The following POU2F1 variants were observed in gnomAD, a reference collection of about 807,000 sequenced individuals.
The protein encoded by POU2F1 is POU domain, class 2, transcription factor 1.
In POU2F1, 16 loss-of-function variants were observed where a neutral mutation model predicts 84.9. The ratio of observed to expected loss-of-function variants is 0.19; its 90% CI spans 0.13 to 0.29. The LOEUF is 0.29. POU2F1 is among the 10% of genes least tolerant of loss of function. POU2F1 has a pLI of 1.00. For missense variants in POU2F1, 738 were observed against 942.6 expected (o/e 0.78, Z 2.84); for synonymous variants, 368 against 368.3 (o/e 1.00, Z 0.01).
At chr1:167,311,638 G>C (rs1655477120) in intron 1 of POU2F1, among the ~76,000 whole-genome samples, 1 of 151,782 alleles carries the variant, frequency 6.6e-6, no homozygotes, top group Non-Finnish European at 1.5e-5. Flanking sequence ...AGTCTAATTT[G>C]AGTCTTAGTT....
chr1:167,298,174 A>G (rs1654420642), intron 1 of POU2F1, among the ~76,000 whole-genome samples: 1 of 152,076 alleles, frequency 6.6e-6, no homozygotes, highest in Non-Finnish European at 1.5e-5. Flanking sequence ...ATAGAGCAAG[A>G]ACGAGGAGCC....
chr1:167,411,483 G>C (rs1432961986), intron 13 of POU2F1, among the ~76,000 whole-genome samples: 3 of 152,038 alleles, frequency 2.0e-5, no homozygotes, highest in Non-Finnish European at 4.4e-5. Flanking sequence ...GAGAAGGCAT[G>C]TAGTCATTTT....
At chr1:167,346,124 A>G (rs1174353616) in intron 2 of POU2F1, among the ~76,000 whole-genome samples, 1 of 152,014 alleles carries the variant, frequency 6.6e-6, no homozygotes, top group Non-Finnish European at 1.5e-5. Flanking sequence ...GCAGTGAACC[A>G]TGATTGCGCC....
At chr1:167,264,378 G>A (rs1271719709) in intron 1 of POU2F1, among the ~76,000 whole-genome samples, 1 of 152,144 alleles carries the variant, frequency 6.6e-6, no homozygotes, top group East Asian at 1.9e-4. Context: ...GGAATTTGGG[G>A]TATTAGATGA....
chr1:167,365,590 T>C (rs766314972), intron 3 of POU2F1, 23 bp downstream of exon 3: 1 of 1,526,160 alleles, frequency 6.6e-7, no homozygotes, highest in Non-Finnish European at 8.9e-7. Flanking sequence ...TGCTCAACCA[T>C]CAGTGAGAGT....
chr1:167,415,588 C>T lies in POU2F1; in HGVS notation c.2079C>T (p.Ile693=), dbSNP rs376371881. ...CCAATGCGGGAGGAGCCCCCAACAT[C>T]GTGACTGCCCCTCTGTTCCTGAACC... is the stretch of plus-strand genomic sequence containing the variant. ...VFANAGGAPN[I]VTAPLFLNPQ... is the part of the protein sequence containing the mutation. Residue 693 remains isoleucine (I), a synonymous_variant, in exon 16 of 16, where the codon ATC becomes ATT. Transcript: ENST00000367866. 5.3e-5 allele frequency: 85 copies of T among 1,614,078 alleles called. No homozygotes were observed. The highest frequency in any genetic ancestry group is 6.8e-5 in the Non-Finnish European group (80 of 1,180,024).
At chr1:167,339,185 C>T (rs1657671945) in intron 2 of POU2F1, among the ~76,000 whole-genome samples, 1 of 152,164 alleles carries the variant, frequency 6.6e-6, no homozygotes, top group Admixed American at 6.5e-5. Context: ...CCCCCTCCTC[C>T]CCTCAACCCT....
chr1:167,314,030 C>G (rs1028490188), intron 1 of POU2F1, among the ~76,000 whole-genome samples: 2 of 151,988 alleles, frequency 1.3e-5, no homozygotes, highest in African/African-American at 2.4e-5. Context: ...AACCTCGTCT[C>G]TACTGAAAAT....
intron 10 of POU2F1, chr1:167,396,653 C>T (rs1648826499): frequency 8.5e-6 from 4 of 472,032 alleles, no homozygotes; most frequent in Admixed American, 7.3e-5. Context: ...AATTTTTAGC[C>T]TGAAATACTC....
At chr1:167,272,705 A>G (rs376677666) in intron 1 of POU2F1, among the ~76,000 whole-genome samples, 4 of 152,276 alleles carry the variant, frequency 2.6e-5, no homozygotes, top group South Asian at 2.1e-4. Context: ...TACCCCCATG[A>G]TCTAGTCACC....
At chr1:167,415,365 A>G in intron 15 of POU2F1, 135 bp from the exon 16 acceptor site, 1 of 960,202 alleles carries the variant, frequency 1.0e-6, no homozygotes, top group Non-Finnish European at 1.5e-6. Context: ...GTTTGAGGAA[A>G]AAAATTCAGT....
intron 1 of POU2F1, among the ~76,000 whole-genome samples, chr1:167,296,844 G>A (rs1470965071): frequency 1.3e-5 from 2 of 152,156 alleles, no homozygotes; most frequent in Admixed American, 1.3e-4. Context: ...GAAATACGGG[G>A]ACTGTTTGCA....
At chr1:167,256,571 GAGTA>G (rs1215700914) in intron 1 of POU2F1, among the ~76,000 whole-genome samples, 1 of 152,122 alleles carries the variant, frequency 6.6e-6, no homozygotes, top group Non-Finnish European at 1.5e-5. Context: ...GAGGTTAAGT[GAGTA>G]ACTGAAAGTC....
chr1:167,409,723 G>A (rs977280964), intron 13 of POU2F1, among the ~76,000 whole-genome samples: 2 of 152,176 alleles, frequency 1.3e-5, no homozygotes, highest in Non-Finnish European at 2.9e-5. Flanking sequence ...AACAGTTGGT[G>A]AATGATTTGA....
chr1:167,260,173 C>T lies in POU2F1; in HGVS notation c.61+39215C>T, dbSNP rs575057309. 1.6e-4 allele frequency among the ~76,000 whole-genome samples: 25 copies of T among 152,230 alleles called. No homozygotes were observed. In the East Asian group the frequency reaches 3.1e-3, roughly 19 times the overall value. On this transcript the variant is annotated intron_variant, in intron 1 of 15. Coordinates refer to ENST00000367866, the MANE Select transcript of POU2F1 (RefSeq NM_002697.4). Reference sequence around the variant, plus strand: ...GGTTACAGGCGTAAGCCACTGCACCCGGCTAATTGTGTTTCTTCTATGAAT... The same window carrying T: ...GGTTACAGGCGTAAGCCACTGCACCTGGCTAATTGTGTTTCTTCTATGAAT...
chr1:167,323,605 G>C (rs147855442), intron 1 of POU2F1, among the ~76,000 whole-genome samples: 116 of 152,266 alleles, frequency 7.6e-4, no homozygotes, highest in African/African-American at 2.7e-3. Flanking sequence ...ATGTCTACCA[G>C]TTGAGTTGTA....
rs35633696 is a variant in POU2F1, at chr1:167,374,091, G to A, written c.403-17G>A. 16,098 of 1,613,542 alleles carry A rather than the reference G, an allele frequency of 1.0e-2. 112 individuals are homozygous for A. Among genetic ancestry groups the A allele is most frequent in the South Asian group, 0.012 (1,100 of 90,940 alleles). On this transcript the variant is annotated splice_polypyrimidine_tract_variant and intron_variant, in intron 5 of 15. Coordinates refer to ENST00000367866, the MANE Select transcript of POU2F1 (RefSeq NM_002697.4). ...CTCCTTCAACACTTTCCCATAATGT[G>A]TTCTGGTTTTGTTTAGCTTACTTTG...
At chr1:167,267,249 G>A (rs1652032757) in intron 1 of POU2F1, among the ~76,000 whole-genome samples, 1 of 151,906 alleles carries the variant, frequency 6.6e-6, no homozygotes, top group Non-Finnish European at 1.5e-5. Context: ...CACAAAAGTA[G>A]TAGGTATGGC....
chr1:167,233,255 G>GC (rs1649199748), intron 1 of POU2F1, among the ~76,000 whole-genome samples: 1 of 150,734 alleles, frequency 6.6e-6, no homozygotes, highest in Admixed American at 6.6e-5. Flanking sequence ...TCCTACCTCA[G>GC]CCTCCTGAGG....
Sources: allele counts gnomAD v4.1 joint callset (sites outside exome capture counted in the v4.1 genomes callset), GRCh38; gene constraint gnomAD v4.1.1; transcripts MANE v1.5; gene names NCBI Gene and HGNC (gene_info 2026-07-23, HGNC 2026-07-21).